Variants in ARMH4 observed in about 807,000 individuals in gnomAD.
ARMH4 encodes armadillo-like helical domain-containing protein 4.
Under a neutral mutation model 61.9 loss-of-function variants are expected in ARMH4, and 49 were observed. The ratio of observed to expected loss-of-function variants is 0.79; its 90% confidence interval spans 0.63 to 1.00. ARMH4 has a LOEUF of 1.00. Ranked by LOEUF, ARMH4 falls within the 50% of genes least tolerant of loss-of-function variation. ARMH4 has a pLI of 0.00. For missense variants in ARMH4, 934 were observed against 930.0 expected, an observed-to-expected ratio of 1.00 and a Z score of -0.06; for synonymous variants, 368 against 341.5, an observed-to-expected ratio of 1.08 and a Z score of -0.85.
intron 4 of ARMH4, among the ~76,000 whole-genome samples, chr14:58,098,281 T>C (rs545994885): frequency 6.6e-6 from 1 of 152,326 alleles, no homozygotes; most frequent in South Asian, 2.1e-4. Flanking sequence ...ATATGTCCTT[T>C]AACTTTGTAG....
At chr14:58,059,322 A>AG (rs990841020) in intron 5 of ARMH4, among the ~76,000 whole-genome samples, 1 of 152,230 alleles carries the variant, frequency 6.6e-6, no homozygotes, top group Non-Finnish European at 1.5e-5. Flanking sequence ...GCATGCTCCC[A>AG]GGGGACCTGA....
intron 1 of ARMH4, among the ~76,000 whole-genome samples, chr14:58,146,859 G>T (rs1429868518): frequency 6.6e-6 from 1 of 152,188 alleles, no homozygotes; most frequent in African/African-American, 2.4e-5. Context: ...CAGTGATGAA[G>T]CTACTACTTC....
At chr14:58,132,956 G>GGTGT (rs149751032) in intron 3 of ARMH4, 134 bp downstream of exon 3, 26 of 837,448 alleles carry the variant, frequency 3.1e-5, no homozygotes, top group Admixed American at 7.2e-5. Context: ...TCCAGGTAAA[G>GGTGT]GTGTGTGTGT....
chr14:58,086,244 CA>C (rs1885374540), intron 5 of ARMH4, among the ~76,000 whole-genome samples: 1 of 152,146 alleles, frequency 6.6e-6, no homozygotes, highest in Non-Finnish European at 1.5e-5. Flanking sequence ...ATCGTTTCTA[CA>C]GTGAAGAATC....
At chr14:58,026,529 G>A (rs1280573946) in intron 5 of ARMH4, among the ~76,000 whole-genome samples, 1 of 152,090 alleles carries the variant, frequency 6.6e-6, no homozygotes, top group Non-Finnish European at 1.5e-5. Context: ...AAAGAAAATA[G>A]TTTGGCCTTC....
At chr14:58,095,276 T>A (rs1215662344) in intron 5 of ARMH4, among the ~76,000 whole-genome samples, 18 of 152,200 alleles carry the variant, frequency 1.2e-4, no homozygotes, top group Admixed American at 5.2e-4. Context: ...AAAGGCTGTT[T>A]AACTGTACAT....
chr14:58,142,488 T>C (rs1887599930), intron 1 of ARMH4, among the ~76,000 whole-genome samples: 1 of 151,932 alleles, frequency 6.6e-6, no homozygotes, highest in South Asian at 2.1e-4. Context: ...TTTCTTTTCT[T>C]TTTTCTTTTC....
Position 58,152,162 on chromosome 14 carries a change from C to CGGCGGCGGT in ARMH4, c.-153_-145dup, listed in dbSNP as rs1329477259. ...ATCCCAGCGGCGGGCCCTGCGGCGG[C>CGGCGGCGGT]GGCGGCGGTAGCGGCGGCGACTCCC... On this transcript the variant is annotated 5_prime_UTR_variant, in exon 1 of 8. Coordinates refer to ENST00000267485, the MANE Select transcript of ARMH4 (RefSeq NM_001001872.4). 1 of 161,216 alleles carries CGGCGGCGGT rather than the reference C, an allele frequency of 6.2e-6. No individual in the cohort carries two copies. The highest frequency in any genetic ancestry group is 1.3e-5 in the Non-Finnish European group (1 of 75,278). The allele number at this position is 161,216 out of a possible 1,614,324, so 10.0% of individuals were successfully genotyped here.
At chr14:58,068,889 C>T (rs1365220613) in intron 5 of ARMH4, among the ~76,000 whole-genome samples, 4 of 151,846 alleles carry the variant, frequency 2.6e-5, no homozygotes, top group African/African-American at 9.7e-5. Flanking sequence ...CACCTGTAAT[C>T]CCAGCTACTT....
At chr14:58,129,001 A>G (rs1886994599) in intron 4 of ARMH4, among the ~76,000 whole-genome samples, 1 of 152,230 alleles carries the variant, frequency 6.6e-6, no homozygotes, top group Non-Finnish European at 1.5e-5. Context: ...CCTCAAGCCA[A>G]GGAAACCCTG....
Position 58,133,231 on chromosome 14 carries a change from T to C in ARMH4, c.1480A>G (p.Thr494Ala). The C allele has an allele frequency of 6.2e-7, 1 of 1,614,154 alleles. No homozygotes were observed. Among genetic ancestry groups the C allele is most frequent in the Non-Finnish European group, 8.5e-7 (1 of 1,180,038 alleles). ...GAGGGGTCCTCCTTTTCTTCCTCAG[T>C]CTTGCCACTGTCTCTGATAAGCTCG... ...TLELIRDSGK[T>A]EEEKEDPSPV... The change falls in exon 3 of 8, where the codon ACT (threonine) becomes GCT (alanine). Residue 494 changes from threonine (T) to alanine (A), a missense_variant. Physicochemically the swap from Thr to Ala is moderately conservative, Grantham distance 58. Coordinates refer to ENST00000267485, the MANE Select transcript of ARMH4 (RefSeq NM_001001872.4).
chr14:58,056,456 A>G (rs1006942386), intron 5 of ARMH4, among the ~76,000 whole-genome samples: 2 of 152,246 alleles, frequency 1.3e-5, no homozygotes, highest in Non-Finnish European at 2.9e-5. Context: ...CTCTTAGCAA[A>G]TAAAGTTGTA....
chr14:58,131,404 A>C, intron 4 of ARMH4, 108 bp downstream of exon 4: 1 of 886,354 alleles, frequency 1.1e-6, no homozygotes, highest in South Asian at 1.7e-5. Context: ...CTGTCCTCTG[A>C]TCTATACTGC....
intron 5 of ARMH4, among the ~76,000 whole-genome samples, chr14:58,023,998 A>G (rs1882936072): frequency 6.6e-6 from 1 of 152,114 alleles, no homozygotes; most frequent in African/African-American, 2.4e-5. Flanking sequence ...TTGTTGTTCC[A>G]TTTATAGAGC....
intron 5 of ARMH4, among the ~76,000 whole-genome samples, chr14:58,020,481 T>C (rs1430168321): frequency 6.6e-6 from 1 of 152,126 alleles, no homozygotes; most frequent in African/African-American, 2.4e-5. Context: ...TGTGTCTGTC[T>C]GTCCTTTCTC....
At chr14:58,020,025 C>T (rs76444481) in intron 5 of ARMH4, among the ~76,000 whole-genome samples, 2,453 of 152,154 alleles carry the variant, frequency 0.016, 74 homozygotes, top group African/African-American at 0.054. Context: ...AGAAGAGATC[C>T]AGGATTTGTC....
intron 1 of ARMH4, among the ~76,000 whole-genome samples, chr14:58,140,771 C>G (rs766038680): frequency 2.0e-5 from 3 of 151,812 alleles, no homozygotes; most frequent in African/African-American, 7.3e-5. Flanking sequence ...GGTGTGGTGG[C>G]GGGCATCTGT....
intron 5 of ARMH4, among the ~76,000 whole-genome samples, chr14:58,026,132 T>C (rs1883011029): frequency 6.6e-6 from 1 of 152,034 alleles, no homozygotes; most frequent in Non-Finnish European, 1.5e-5. Flanking sequence ...ATAAACCACA[T>C]TATCACAACT....
intron 5 of ARMH4, among the ~76,000 whole-genome samples, chr14:58,040,507 T>G (rs972194934): frequency 6.6e-6 from 1 of 152,212 alleles, no homozygotes; most frequent in African/African-American, 2.4e-5. Context: ...TTCTTCTTTA[T>G]AGCTGCATAG....
Sources: allele counts gnomAD v4.1 joint callset (sites outside exome capture counted in the v4.1 genomes callset), GRCh38; gene constraint gnomAD v4.1.1; transcripts MANE v1.5; gene names NCBI Gene and HGNC (gene_info 2026-07-23, HGNC 2026-07-21).